Variants in TTC22 observed in about 807,000 individuals in gnomAD.
TTC22 encodes the protein tetratricopeptide repeat protein 22.
Under a neutral mutation model 48.2 loss-of-function variants are expected in TTC22, and 42 were observed. The ratio of observed to expected loss-of-function variants is 0.87; its 90% CI spans 0.68 to 1.13. TTC22 has a LOEUF of 1.13. Ranked by LOEUF, TTC22 falls within the 50% of genes most tolerant of loss-of-function variation. The probability of loss-of-function intolerance (pLI) is 0.00; values close to 1 mark genes in which losing one functional copy is unlikely to be tolerated. For missense variants in TTC22, 784 were observed against 807.0 expected (o/e 0.97, Z 0.34); for synonymous variants, 345 against 365.5 (o/e 0.94, Z 0.64).
chr1:54,786,622 G>T, intron 4 of TTC22: 1 of 278,770 alleles, frequency 3.6e-6, no homozygotes, highest in Non-Finnish European at 6.7e-6. Flanking sequence ...CTGGCAAGGA[G>T]ACACCAGCTA....
rs1309645458 is a variant in TTC22, at chr1:54,780,224, C to G, written c.*1019G>C. The G allele has an allele frequency of 6.6e-6, 1 of 152,070 alleles. No individual in the cohort carries two copies. The highest frequency in any genetic ancestry group is 1.5e-5 in the Non-Finnish European group (1 of 68,052). The allele number at this position is 152,070 out of a possible 1,614,324, so 9.4% of individuals were successfully genotyped here. A position where few individuals can be genotyped will look rare whatever the true frequency, so the allele number is the denominator to read the frequency against. On this transcript the variant is annotated 3_prime_UTR_variant, in exon 7 of 7. Transcript: ENST00000371276. The stretch of plus-strand genomic sequence containing the variant: ...GGGGGCAGGGCCGGGTGCAGTGGCT[C>G]ACACCTGTAATCCTAGCACTTTGGG...
At chr1:54,795,614 TAAC>T (rs1385557447) in intron 1 of TTC22, among the ~76,000 whole-genome samples, 3 of 152,204 alleles carry the variant, frequency 2.0e-5, no homozygotes. Flanking sequence ...CCCTCTGCAG[TAAC>T]AACAGTGATG....
intron 4 of TTC22, 112 bp downstream of exon 4, chr1:54,786,845 G>T: frequency 2.0e-6 from 1 of 497,504 alleles, no homozygotes; most frequent in Non-Finnish European, 3.6e-6. Context: ...TACTTCCTGG[G>T]TGGGCCACGC....
chr1:54,786,795 T>C (rs1487093672), intron 4 of TTC22, 162 bp downstream of exon 4: 2 of 429,178 alleles, frequency 4.7e-6, no homozygotes, highest in Admixed American at 4.3e-5. Context: ...TCTTTTGTTT[T>C]GAATGAAGAG....
At chr1:54,798,204 C>A (rs1147986) in intron 1 of TTC22, among the ~76,000 whole-genome samples, 105,067 of 152,186 alleles carry the variant, frequency 0.69, 36,905 homozygotes, top group South Asian at 0.76. Flanking sequence ...TGACCCTGGG[C>A]AAGCCTCATT....
chr1:54,790,761 G>GGCTGCTGCT (rs3065099), intron 1 of TTC22, among the ~76,000 whole-genome samples: 9 of 151,500 alleles, frequency 5.9e-5, no homozygotes, highest in African/African-American at 1.7e-4. Context: ...CAGGCTTCCT[G>GGCTGCTGCT]GCTGCTGCTG....
chr1:54,798,409 T>C lies in TTC22; in HGVS notation c.567+2188A>G, dbSNP rs537070420. 4.9e-4 allele frequency among the ~76,000 whole-genome samples: 75 copies of C among 152,356 alleles called. No homozygotes were observed. In the South Asian group the frequency reaches 0.016, roughly 32 times the overall value. On this transcript the variant is annotated intron_variant, in intron 1 of 6. Coordinates refer to ENST00000371276, the MANE Select transcript of TTC22 (RefSeq NM_001114108.2). The stretch of plus-strand genomic sequence containing the variant: ...AGGGCCCGGACTTTCCAGGTCACTG[T>C]TGATACCAACCTTTGGTCCCCATAT...
At chr1:54,792,121 C>T (rs1449639792) in intron 1 of TTC22, among the ~76,000 whole-genome samples, 1 of 152,238 alleles carries the variant, frequency 6.6e-6, no homozygotes, top group Admixed American at 6.5e-5. Flanking sequence ...ATTGCAGGGG[C>T]AACTCCTAAG....
intron 3 of TTC22, 57 bp from the exon 4 acceptor site, chr1:54,787,132 G>A: frequency 1.1e-6 from 1 of 931,176 alleles, no homozygotes; most frequent in East Asian, 3.0e-5. Flanking sequence ...AGAGAGGGAA[G>A]GGGCCATCCC....
At chr1:54,782,250 T>C (rs546018285) in intron 6 of TTC22, 75 bp downstream of exon 6, 2 of 1,418,812 alleles carry the variant, frequency 1.4e-6, no homozygotes, top group East Asian at 5.1e-5. Context: ...CATCTTGGCC[T>C]AGCCCTTGGT....
rs570645203 is a variant in TTC22, at chr1:54,799,625, A to G, written c.567+972T>C. 3.3e-5 allele frequency among the ~76,000 whole-genome samples: 5 copies of G among 152,282 alleles called. No homozygotes were observed. In the South Asian group the frequency reaches 1.0e-3, roughly 32 times the overall value. ...CACATCAATCTTGGTTGTGCCTTCC[A>G]CTGAAGGTAGCCTGGCATTCAGGGC... On this transcript the variant is annotated intron_variant, in intron 1 of 6. Transcript: ENST00000371276.
chr1:54,796,186 CTG>C (rs781082474), intron 1 of TTC22, among the ~76,000 whole-genome samples: 2 of 152,364 alleles, frequency 1.3e-5, no homozygotes, highest in South Asian at 2.1e-4. Flanking sequence ...GTGTGTGTGT[CTG>C]TGCGCGTGCG....
intron 1 of TTC22, among the ~76,000 whole-genome samples, chr1:54,792,016 C>A (rs112122952): frequency 3.3e-5 from 5 of 152,100 alleles, no homozygotes; most frequent in African/African-American, 1.2e-4. Context: ...TTCACCACCA[C>A]TCTGCGCACT....
At position 54,787,697 on chromosome 1, in the gene TTC22, C is replaced by T. The variant is rs776097093; in HGVS notation, c.739+14G>A. ...GGCAGAGGCTGCTGTCCCACCCATCCCCCGGGTCCCCACCTCGGTGGCGGG... is the reference window on the plus strand; with the variant it reads ...GGCAGAGGCTGCTGTCCCACCCATCTCCCGGGTCCCCACCTCGGTGGCGGG... On this transcript the variant is annotated intron_variant, in intron 3 of 6. Coordinates refer to ENST00000371276, the MANE Select transcript of TTC22 (RefSeq NM_001114108.2). 1.4e-5 allele frequency: 23 copies of T among 1,601,524 alleles called. No individual in the cohort carries two copies. In the South Asian group the frequency reaches 2.6e-4, roughly 18 times the overall value.
Position 54,785,876 on chromosome 1 carries a change from C to T in TTC22, c.1020+107G>A, listed in dbSNP as rs1444355062. The T allele has an allele frequency of 3.7e-6, 4 of 1,076,422 alleles. No homozygotes were observed. The East Asian group carries it at 7.5e-5, about 20-fold the overall frequency. 66.7% of individuals were successfully genotyped at this position (1,076,422 alleles called of 1,614,324 possible). A position where few individuals can be genotyped will look rare whatever the true frequency, so the allele number is the denominator to read the frequency against. On this transcript the variant is annotated intron_variant, in intron 5 of 6. Transcript: ENST00000371276. ...TTGATGGCTCCTAAGCTCCCTTCCA[C>T]CATGAGGACTCCCTGACCCTTGGGC...
At position 54,796,272 on chromosome 1, in the gene TTC22, C is replaced by T. The variant is rs184105242; in HGVS notation, c.567+4325G>A. On this transcript the variant is annotated intron_variant, in intron 1 of 6. Coordinates refer to ENST00000371276, the MANE Select transcript of TTC22 (RefSeq NM_001114108.2). The stretch of plus-strand genomic sequence containing the variant: ...CCTATGACACTCTCTTGGGCCTTCC[C>T]GCCAGGTCCCCACCCCGCTGGGCGC... Among the ~76,000 whole-genome samples the T allele has an allele frequency of 3.5e-3, 535 of 152,366 alleles. 4 individuals are homozygous for T. The highest frequency in any genetic ancestry group is 0.012 in the African/African-American group (490 of 41,588).
In TTC22 at chr1:54,786,105, G is replaced by A. The variant is rs72895712; in HGVS notation, c.898C>T (p.Arg300Cys). 3.9e-4 allele frequency: 635 copies of A among 1,614,132 alleles called. 3 individuals are homozygous for A. In the African/African-American group the frequency reaches 7.6e-3, roughly 19 times the overall value. Residue 300 changes from arginine to cysteine, a missense_variant, in exon 5 of 7, where the codon CGC becomes TGC. Arg to Cys is a radical substitution (Grantham distance 180). Transcript: ENST00000371276. ...AGGAAGTAGAAGATTTTTGCCAGGC[G>A]ATTCAGGATGGGAGGTTGGTTCTTG... ...IAKNQPPILN[R>C]LAKIFYFLGK...
chr1:54,784,714 A>C, intron 5 of TTC22: 2 of 1,226,214 alleles, frequency 1.6e-6, no homozygotes, highest in South Asian at 1.4e-5. Context: ...CAAGACTGGG[A>C]GTAGATTTGC....
In TTC22 at chr1:54,795,278, G is replaced by C. The variant is rs3753402; in HGVS notation, c.567+5319C>G. ...AGGCATGTTGGCTGAGGTGGTATGC[G>C]CACAGGTGGAGGGAATTTGGGACTT... On this transcript the variant is annotated intron_variant, in intron 1 of 6. Transcript: ENST00000371276. 3.1e-3 allele frequency among the ~76,000 whole-genome samples: 469 copies of C among 152,322 alleles called. 2 individuals carry two copies. The highest frequency in any genetic ancestry group is 0.031 in the Middle Eastern group (9 of 294).
Sources: gnomAD v4.1 joint callset for allele counts (sites outside exome capture counted in the v4.1 genomes callset) on GRCh38, gnomAD v4.1.1 for gene constraint, MANE v1.5 for transcripts, NCBI Gene and HGNC (gene_info 2026-07-23, HGNC 2026-07-21) for gene names.